Variants in SPATA13 observed in about 807,000 individuals in gnomAD.
SPATA13 encodes spermatogenesis-associated protein 13.
In SPATA13, 50 loss-of-function variants were observed where a neutral mutation model predicts 104.0. The ratio of observed to expected loss-of-function variants is 0.48; its 90% CI spans 0.38 to 0.61. The LOEUF (loss-of-function observed/expected upper bound fraction) is 0.61. Ranked by LOEUF, SPATA13 falls within the 20% of genes least tolerant of loss-of-function variation. The pLI is 0.00. For missense variants in SPATA13, 1,524 were observed against 1,690.6 expected (o/e 0.90, Z 1.73); for synonymous variants, 606 against 667.5 (o/e 0.91, Z 1.42).
intron 1 of SPATA13, among the ~76,000 whole-genome samples, chr13:24,209,296 G>GT (rs2138585526): frequency 6.6e-6 from 1 of 152,308 alleles, no homozygotes; most frequent in East Asian, 1.9e-4. Context: ...AGATAGAGGT[G>GT]TAAGACTTTA....
intron 2 of SPATA13, among the ~76,000 whole-genome samples, chr13:24,003,685 A>G (rs953364830): frequency 6.6e-6 from 1 of 152,236 alleles, no homozygotes; most frequent in African/African-American, 2.4e-5. Flanking sequence ...GAAGCAGAGT[A>G]TTATGACTGT....
chr13:24,278,601 T>C (rs1429639049), intron 4 of SPATA13: 1 of 1,436,528 alleles, frequency 7.0e-7, no homozygotes, highest in East Asian at 2.7e-5. Flanking sequence ...CTATACTGTT[T>C]TTCAATTTAC....
intron 1 of SPATA13, among the ~76,000 whole-genome samples, chr13:24,169,697 C>A (rs1438496641): frequency 6.6e-6 from 1 of 152,200 alleles, no homozygotes; most frequent in Non-Finnish European, 1.5e-5. Context: ...TCTAGTCTCT[C>A]TCCTCTCACT....
At position 24,123,569 on chromosome 13, in the gene SPATA13, C is replaced by A. The variant is rs1238761279; in HGVS notation, c.-111-99250C>A. 10 of 1,609,020 alleles carry A rather than the reference C, an allele frequency of 6.2e-6. No individual in the cohort carries two copies. The Admixed American group carries it at 6.7e-5, about 11-fold the overall frequency. On this transcript the variant is annotated intron_variant, in intron 3 of 14. Transcript: ENST00000424834. ...GAATCTGGTAACAAAATCCTATAGT[C>A]TTTTGCAGTACCTCTTTCCTCTTAC...
intron 3 of SPATA13, among the ~76,000 whole-genome samples, chr13:24,081,944 G>A (rs1386813492): frequency 6.6e-6 from 1 of 152,222 alleles, no homozygotes; most frequent in Non-Finnish European, 1.5e-5. Flanking sequence ...ATTCCCAGGA[G>A]TGGGATTGAT....
At chr13:24,045,990 T>A (rs1236662035) in intron 3 of SPATA13, among the ~76,000 whole-genome samples, 4 of 152,232 alleles carry the variant, frequency 2.6e-5, no homozygotes, top group Non-Finnish European at 4.4e-5. Flanking sequence ...CCTGGCACAA[T>A]TTTCCTTCAT....
chr13:24,074,484 C>G lies in SPATA13; in HGVS notation c.-112+56783C>G, dbSNP rs948348733. 9.4e-5 allele frequency among the ~76,000 whole-genome samples: 14 copies of G among 149,166 alleles called. No individual in the cohort carries two copies. In the Admixed American group the frequency reaches 9.5e-4, roughly 10 times the overall value. ...TATGAACCTGGGTGTATATGCTTAGCACATTTAATTGTACTCATGATGACT... is the reference window on the plus strand; with the variant it reads ...TATGAACCTGGGTGTATATGCTTAGGACATTTAATTGTACTCATGATGACT... On this transcript the variant is annotated intron_variant, in intron 3 of 14. Coordinates refer to the SPATA13 transcript ENST00000424834.
At chr13:24,110,800 C>T (rs1306382175) in intron 3 of SPATA13, among the ~76,000 whole-genome samples, 1 of 152,198 alleles carries the variant, frequency 6.6e-6, no homozygotes, top group African/African-American at 2.4e-5. Flanking sequence ...CAGATCTTTC[C>T]ACCCAATAAC....
chr13:24,282,711 G>A (rs9511178), intron 4 of SPATA13, among the ~76,000 whole-genome samples: 2 of 152,052 alleles, frequency 1.3e-5, no homozygotes, highest in Admixed American at 6.5e-5. Context: ...AGCCCTCATC[G>A]TGCGGGACAC....
intron 2 of SPATA13, among the ~76,000 whole-genome samples, chr13:24,228,813 G>A (rs1337915104): frequency 6.6e-6 from 1 of 152,098 alleles, no homozygotes; most frequent in African/African-American, 2.4e-5. Flanking sequence ...ATATTATGGT[G>A]TTATTTAAAA....
intron 3 of SPATA13, among the ~76,000 whole-genome samples, chr13:24,099,786 A>T (rs1479554162): frequency 1.3e-5 from 2 of 152,224 alleles, no homozygotes; most frequent in African/African-American, 4.8e-5. Context: ...GGTTTTTTTA[A>T]ACAGATAAAC....
At chr13:24,228,836 T>G (rs1022165990) in intron 2 of SPATA13, among the ~76,000 whole-genome samples, 4 of 152,224 alleles carry the variant, frequency 2.6e-5, no homozygotes, top group Non-Finnish European at 5.9e-5. Flanking sequence ...AATATTATAA[T>G]GTACTTTCAA....
chr13:24,251,838 C>T lies in SPATA13; in HGVS notation c.2140C>T (p.Arg714Trp), dbSNP rs201402934. Residue 714 changes from arginine to tryptophan, a missense_variant, in exon 4 of 13, where the codon CGG (arginine) becomes TGG (tryptophan). This residue lies in a region of SPATA13 where 1,089 missense variants were observed against 1,135.9 expected (regional missense o/e 0.96). Coordinates refer to ENST00000382108, the MANE Select transcript of SPATA13 (RefSeq NM_001166271.3). The part of the protein sequence containing the change: ...TPIGLDRVGR[R>W]RQMRASNVSS... The stretch of plus-strand genomic sequence containing the variant: ...CATTGGGTTGGACCGTGTGGGACGC[C>T]GGCGGCAGATGAGAGCATCCAACGG... 32 of 1,613,866 alleles carry T rather than the reference C, an allele frequency of 2.0e-5. No individual in the cohort carries two copies. Among genetic ancestry groups the T allele is most frequent in the African/African-American group, 1.9e-4 (14 of 75,030 alleles).
Position 24,101,513 on chromosome 13 carries a change from C to T in SPATA13, c.-112+83812C>T, listed in dbSNP as rs535732983. ...GAAAAAAAACAACACATAAAACTTA[C>T]CACCTTAACCATTTTTAAGTGTACA... On this transcript the variant is annotated intron_variant, in intron 3 of 14. Transcript: ENST00000424834. 3.9e-5 allele frequency among the ~76,000 whole-genome samples: 6 copies of T among 152,228 alleles called. No homozygotes were observed. In the South Asian group the frequency reaches 1.2e-3, roughly 32 times the overall value.
In SPATA13 at chr13:24,223,524, C is replaced by G. The variant is rs576070763; in HGVS notation, c.595C>G (p.Arg199Gly). 3 of 1,548,418 alleles carry G rather than the reference C, an allele frequency of 1.9e-6. No homozygotes were observed. Among genetic ancestry groups the G allele is most frequent in the African/African-American group, 1.4e-5 (1 of 73,188 alleles). The part of the protein sequence containing the change: ...TDDAFQRSTH[R>G]SRSLRRAYGL... The stretch of plus-strand genomic sequence containing the variant: ...CGATGCCTTCCAGCGGAGCACACAC[C>G]GCTCCCGCAGCCTCCGCAGAGCCTA... Residue 199 changes from arginine (R) to glycine (G), a missense_variant, in exon 2 of 13, where the codon CGC (arginine) becomes GGC (glycine). This residue lies in a region of SPATA13 where 1,089 missense variants were observed against 1,135.9 expected (regional missense o/e 0.96). Transcript: ENST00000382108.
At chr13:24,013,996 C>T (rs118099477) in intron 2 of SPATA13, among the ~76,000 whole-genome samples, 1 of 152,142 alleles carries the variant, frequency 6.6e-6, no homozygotes, top group Non-Finnish European at 1.5e-5. Context: ...AGAGTCAGAG[C>T]CTCCAAACCC....
chr13:24,107,264 A>AAT (rs1555261954), intron 3 of SPATA13, among the ~76,000 whole-genome samples: 1 of 143,570 alleles, frequency 7.0e-6, no homozygotes, highest in African/African-American at 2.6e-5. Context: ...AAAAAAAAAA[A>AAT]GCTCAAGCCT....
intron 2 of SPATA13, among the ~76,000 whole-genome samples, chr13:23,992,229 C>CAGG (rs1875449077): frequency 2.6e-5 from 4 of 152,164 alleles, no homozygotes; most frequent in African/African-American, 9.7e-5. Flanking sequence ...CATCAGTGTC[C>CAGG]AGGAGGTCTG....
At chr13:24,245,584 C>CT (rs61316306) in intron 2 of SPATA13, among the ~76,000 whole-genome samples, 13,260 of 88,476 alleles carry the variant, frequency 0.15, 1,530 homozygotes, top group African/African-American at 0.27. Context: ...ACAGTTGTTT[C>CT]TTTTTTTTTT....
Sources: allele counts gnomAD v4.1 joint callset (sites outside exome capture counted in the v4.1 genomes callset), GRCh38; gene constraint gnomAD v4.1.1; regional missense constraint gnomAD v4.1.1; transcripts MANE v1.5; gene names NCBI Gene and HGNC (gene_info 2026-07-23, HGNC 2026-07-21).